The following TSEN15 variants were observed in gnomAD, a reference collection of about 807,000 sequenced individuals.
TSEN15 encodes the protein tRNA-splicing endonuclease subunit Sen15.
Under a neutral mutation model 20.5 loss-of-function variants are expected in TSEN15, and 10 were observed. The ratio of observed to expected loss-of-function variants is 0.49; its 90% CI spans 0.30 to 0.83. The LOEUF (loss-of-function observed/expected upper bound fraction) is 0.83. TSEN15 is among the 40% of genes least tolerant of loss of function. The pLI, the probability that TSEN15 is intolerant of heterozygous loss-of-function variation, is 0.06. For synonymous variants in TSEN15, 72 were observed against 80.1 expected, an observed-to-expected ratio of 0.90 and a Z score of 0.54; for missense variants, 180 against 218.6, an observed-to-expected ratio of 0.82 and a Z score of 1.11.
exon 4 of TSEN15, chr1:184,096,094 G>A (rs997044968): frequency 4.5e-6 from 1 of 220,856 alleles, no homozygotes; most frequent in African/African-American, 2.3e-5. Context: ...AGCTTCTGAT[G>A]AGAAATTGAG....
chr1:184,085,556 A>G lies in TSEN15; in HGVS notation c.354-10134A>G, dbSNP rs1273453730. The stretch of plus-strand genomic sequence containing the variant: ...TAGAGTGTGACAGGAATGCAATTTT[A>G]GTTAGGGTGACCAAGAATGGCTTTT... On this transcript the variant is annotated intron_variant, in intron 3 of 3. Coordinates refer to the TSEN15 transcript ENST00000643231. 2.0e-5 allele frequency among the ~76,000 whole-genome samples: 3 copies of G among 152,202 alleles called. No homozygotes were observed. The South Asian group carries it at 6.2e-4, about 32-fold the overall frequency.
At chr1:184,066,255 G>A (rs1423393157) in intron 3 of TSEN15, among the ~76,000 whole-genome samples, 1 of 147,506 alleles carries the variant, frequency 6.8e-6, no homozygotes, top group Non-Finnish European at 1.5e-5. Context: ...TCATCAAATT[G>A]CCTTTTTTTT....
chr1:184,058,012 G>T (rs1429312745), intron 3 of TSEN15: 3 of 287,912 alleles, frequency 1.0e-5, no homozygotes, highest in Non-Finnish European at 2.0e-5. Flanking sequence ...TATATTATTT[G>T]TTTGGACAAG....
At chr1:184,084,576 A>C (rs1651227953) in intron 3 of TSEN15, among the ~76,000 whole-genome samples, 1 of 151,856 alleles carries the variant, frequency 6.6e-6, no homozygotes, top group African/African-American at 2.4e-5. Context: ...TCTGTAACAG[A>C]ATATCAGAGA....
chr1:184,062,771 A>G (rs1296896425), intron 3 of TSEN15, among the ~76,000 whole-genome samples: 1 of 151,676 alleles, frequency 6.6e-6, no homozygotes, highest in Non-Finnish European at 1.5e-5. Context: ...TCCCCCTCAT[A>G]GACCCAATGT....
At chr1:184,072,495 C>CAAA in intron 4 of TSEN15, 197 bp downstream of exon 4, 1 of 521,802 alleles carries the variant, frequency 1.9e-6, no homozygotes, top group South Asian at 3.2e-5. Flanking sequence ...GTTATTTTTG[C>CAAA]AAAAAAAAAA....
intron 3 of TSEN15, among the ~76,000 whole-genome samples, chr1:184,084,985 T>A (rs1369758375): frequency 6.6e-6 from 1 of 151,742 alleles, no homozygotes; most frequent in East Asian, 1.9e-4. Context: ...ATGGTGATGA[T>A]AACACTTTTT....
chr1:184,057,449 T>C (rs1650289417), intron 3 of TSEN15, among the ~76,000 whole-genome samples: 1 of 152,194 alleles, frequency 6.6e-6, no homozygotes, highest in South Asian at 2.1e-4. Context: ...TAGCTGACTA[T>C]GACTGAATAC....
At chr1:184,068,887 A>T (rs1162363898) in intron 3 of TSEN15, among the ~76,000 whole-genome samples, 1 of 152,198 alleles carries the variant, frequency 6.6e-6, no homozygotes, top group Admixed American at 6.6e-5. Context: ...GATACTTTCT[A>T]TGGGTTGAAA....
exon 4 of TSEN15, chr1:184,097,411 G>A (rs1651474771): frequency 6.6e-6 from 1 of 152,186 alleles, no homozygotes; most frequent in South Asian, 2.1e-4. Flanking sequence ...TAACTCACAG[G>A]ATGAGGTATT....
intron 3 of TSEN15, among the ~76,000 whole-genome samples, chr1:184,061,569 A>G (rs774332712): frequency 6.6e-6 from 1 of 152,220 alleles, no homozygotes; most frequent in Non-Finnish European, 1.5e-5. Context: ...CAACTTAGTT[A>G]TAAAGTATTT....
chr1:184,068,085 A>T (rs541349918), intron 3 of TSEN15, among the ~76,000 whole-genome samples: 152 of 149,858 alleles, frequency 1.0e-3, no homozygotes, highest in Middle Eastern at 3.5e-3. Context: ...TTTTAGTTGA[A>T]TTTTTTTTCA....
At chr1:184,054,643 C>A in intron 2 of TSEN15, 85 bp from the exon 3 acceptor site, 1 of 1,468,698 alleles carries the variant, frequency 6.8e-7, no homozygotes, top group Non-Finnish European at 9.2e-7. Context: ...GTGATATTTG[C>A]TCAGCTGAGT....
rs139261391 is a variant in TSEN15 at position 184,092,104 on chromosome 1, A to T, written c.354-3586A>T. On this transcript the variant is annotated intron_variant, in intron 3 of 3. Transcript: ENST00000643231. ...CATGCCCAGTGCCTGACAAGTCTTT[A>T]TCTCCAGGGGAGAGGCTGGCTATTA... Among the ~76,000 whole-genome samples the T allele has an allele frequency of 1.4e-3, 211 of 152,322 alleles. 1 individual carries two copies. Among genetic ancestry groups the T allele is most frequent in the Admixed American group, 3.7e-3 (56 of 15,298 alleles).
At chr1:184,079,818 A>G (rs866613161) in intron 3 of TSEN15, among the ~76,000 whole-genome samples, 1 of 152,184 alleles carries the variant, frequency 6.6e-6, no homozygotes, top group African/African-American at 2.4e-5. Flanking sequence ...GTGCTCAGAT[A>G]CTGTGGTAAG....
At chr1:184,087,618 T>A (rs1347093130) in intron 3 of TSEN15, among the ~76,000 whole-genome samples, 1 of 152,196 alleles carries the variant, frequency 6.6e-6, no homozygotes, top group African/African-American at 2.4e-5. Flanking sequence ...ATCAGGAGAC[T>A]TTCAGAACAT....
intron 3 of TSEN15, among the ~76,000 whole-genome samples, chr1:184,086,886 A>AG (rs1419590859): frequency 4.6e-5 from 7 of 152,196 alleles, no homozygotes; most frequent in African/African-American, 1.7e-4. Context: ...AGTCCATACT[A>AG]GGGGGAGGTG....
intron 3 of TSEN15, chr1:184,093,690 C>G (rs1651397609): frequency 6.6e-6 from 1 of 152,098 alleles, no homozygotes; most frequent in Non-Finnish European, 1.5e-5. Flanking sequence ...TCTTGTGAAT[C>G]AGATCCAAAT....
At chr1:184,055,714 C>T (rs1180915902) in intron 3 of TSEN15, among the ~76,000 whole-genome samples, 1 of 151,996 alleles carries the variant, frequency 6.6e-6, no homozygotes, top group Non-Finnish European at 1.5e-5. Flanking sequence ...CTTAGGTACA[C>T]AGCATTGGAT....
Sources: allele counts gnomAD v4.1 joint callset (sites outside exome capture counted in the v4.1 genomes callset), GRCh38; gene constraint gnomAD v4.1.1; transcripts MANE v1.5; gene names NCBI Gene and HGNC (gene_info 2026-07-23, HGNC 2026-07-21).